The following TBK1 variants were observed in gnomAD, a reference collection of about 807,000 sequenced individuals.
The protein encoded by TBK1 is serine/threonine-protein kinase TBK1.
Under a neutral mutation model 99.9 loss-of-function variants are expected in TBK1, and 37 were observed. The observed-to-expected ratio is 0.37, with a 90% CI of 0.28 to 0.49. The LOEUF (loss-of-function observed/expected upper bound fraction) is 0.49. Among genes scored for constraint, TBK1 ranks in the 20% least tolerant of loss-of-function variants. The probability of loss-of-function intolerance (pLI) is 0.98; values close to 1 mark genes in which losing one functional copy is unlikely to be tolerated. For missense variants in TBK1, 644 were observed against 872.5 expected (o/e 0.74, Z 3.30); for synonymous variants, 258 against 279.8 (o/e 0.92, Z 0.78).
chr12:64,464,201 C>G (rs951570268), intron 3 of TBK1, 133 bp from the exon 4 acceptor site: 31 of 625,588 alleles, frequency 5.0e-5, no homozygotes, highest in Non-Finnish European at 7.2e-5. Context: ...TCAACAGATA[C>G]TGAATCTCAG....
intron 4 of TBK1, among the ~76,000 whole-genome samples, chr12:64,466,663 A>G (rs1297725959): frequency 6.6e-6 from 1 of 152,064 alleles, no homozygotes; most frequent in Non-Finnish European, 1.5e-5. Flanking sequence ...AGTACTTAAG[A>G]GACACTGGAT....
At chr12:64,458,384 G>A (rs1170761699) in intron 2 of TBK1, among the ~76,000 whole-genome samples, 1 of 151,824 alleles carries the variant, frequency 6.6e-6, no homozygotes, top group African/African-American at 2.4e-5. Context: ...TACTTAATCT[G>A]TTTTTTATTA....
At chr12:64,465,001 T>C (rs958030233) in intron 4 of TBK1, among the ~76,000 whole-genome samples, 1 of 151,970 alleles carries the variant, frequency 6.6e-6, no homozygotes, top group South Asian at 2.1e-4. Flanking sequence ...CCCAGCACTT[T>C]AGGAAGTGGA....
intron 7 of TBK1, 22 bp downstream of exon 7, chr12:64,480,144 C>G: frequency 6.4e-7 from 1 of 1,570,320 alleles, no homozygotes; most frequent in Non-Finnish European, 8.7e-7. Context: ...GTACCTAATT[C>G]TCATCTTTTG....
chr12:64,479,201 C>G (rs987695497), intron 6 of TBK1, among the ~76,000 whole-genome samples: 2 of 152,190 alleles, frequency 1.3e-5, no homozygotes, highest in African/African-American at 4.8e-5. Flanking sequence ...TGGATCTTAT[C>G]AAAATTAAAC....
chr12:64,478,401 C>A (rs1341006527), intron 6 of TBK1, among the ~76,000 whole-genome samples: 1 of 152,214 alleles, frequency 6.6e-6, no homozygotes, highest in Non-Finnish European at 1.5e-5. Flanking sequence ...CTGCCCCCCG[C>A]CTTGGTCTCC....
chr12:64,458,372 C>G (rs186490411), intron 2 of TBK1, among the ~76,000 whole-genome samples: 84 of 152,052 alleles, frequency 5.5e-4, no homozygotes, highest in Non-Finnish European at 1.1e-3. Flanking sequence ...AAGTATATTA[C>G]CTACTTAATC....
intron 5 of TBK1, among the ~76,000 whole-genome samples, chr12:64,469,540 A>G (rs1274773620): frequency 1.3e-5 from 2 of 152,186 alleles, no homozygotes; most frequent in Non-Finnish European, 2.9e-5. Flanking sequence ...TTCTAGAAGC[A>G]ACACTGCTGA....
At chr12:64,485,188 G>C (rs1429081796) in intron 9 of TBK1, among the ~76,000 whole-genome samples, 3 of 152,130 alleles carry the variant, frequency 2.0e-5, no homozygotes, top group Admixed American at 6.5e-5. Flanking sequence ...CTATTTGAAG[G>C]TTGGGATTTG....
chr12:64,464,385 T>G lies in TBK1; in HGVS notation c.280T>G (p.Leu94Val). The G allele has an allele frequency of 6.2e-7, 1 of 1,608,492 alleles. No homozygotes were observed. The highest frequency in any genetic ancestry group is 8.5e-7 in the Non-Finnish European group (1 of 1,177,574). ...TATGGAATTTTGTCCATGTGGGAGT[T>G]TATACACTGTTTTAGAAGAACCTTC... ...LIMEFCPCGSLYTVLEEPSNA... is the reference protein window; with the variant it reads ...LIMEFCPCGSVYTVLEEPSNA... Residue 94 changes from leucine (L) to valine (V), a missense_variant, in exon 4 of 21, where the codon TTA becomes GTA. Transcript: ENST00000331710.
At chr12:64,497,874 A>C (rs1330706312) in intron 19 of TBK1, 94 bp from the exon 20 acceptor site, 23 of 1,393,952 alleles carry the variant, frequency 1.6e-5, no homozygotes, top group Non-Finnish European at 2.3e-5. Flanking sequence ...TAATAAGGTT[A>C]TCTATTGACC....
At chr12:64,492,658 T>TG (rs1268668848) in intron 13 of TBK1, among the ~76,000 whole-genome samples, 5 of 152,270 alleles carry the variant, frequency 3.3e-5, no homozygotes, top group African/African-American at 1.2e-4. Context: ...CTTGAGGTAA[T>TG]GGAGTCTTAT....
intron 2 of TBK1, among the ~76,000 whole-genome samples, chr12:64,458,124 C>T (rs2040508899): frequency 6.7e-6 from 1 of 149,772 alleles, no homozygotes; most frequent in Non-Finnish European, 1.5e-5. Context: ...CACACACATA[C>T]ACACACGAAA....
chr12:64,475,692 A>G (rs1362430455), intron 6 of TBK1, among the ~76,000 whole-genome samples: 1 of 152,086 alleles, frequency 6.6e-6, no homozygotes, highest in Admixed American at 6.5e-5. Context: ...AAAGGATATG[A>G]TTTCATTCTT....
Position 64,455,911 on chromosome 12 carries a change from T to G in TBK1, c.41T>G (p.Ile14Ser). 2 of 1,613,938 alleles carry G rather than the reference T, an allele frequency of 1.2e-6. No homozygotes were observed. The highest frequency in any genetic ancestry group is 1.7e-6 in the Non-Finnish European group (2 of 1,179,930). The change falls in exon 2 of 21, where the codon ATT (isoleucine) becomes AGT (serine). Residue 14 changes from isoleucine to serine, a missense_variant. This residue lies in a region of TBK1 where 148 missense variants were observed against 202.1 expected (regional missense o/e 0.73). Transcript: ENST00000331710. ...AATCATCTGTGGCTTTTATCTGATA[T>G]TTTAGGCCAAGGAGCTACTGCAAAT... ...TSNHLWLLSDILGQGATANVF... is the reference protein window; with the variant it reads ...TSNHLWLLSDSLGQGATANVF...
chr12:64,486,862 T>A (rs2040825721), intron 11 of TBK1, among the ~76,000 whole-genome samples: 1 of 152,158 alleles, frequency 6.6e-6, no homozygotes, highest in African/African-American at 2.4e-5. Context: ...TATCTCTGCA[T>A]CCATTAGTAT....
At chr12:64,496,714 C>T (rs546910071) in intron 16 of TBK1, among the ~76,000 whole-genome samples, 8 of 152,082 alleles carry the variant, frequency 5.3e-5, no homozygotes, top group African/African-American at 1.7e-4. Context: ...ACTTAACTAC[C>T]GTCTTAATTT....
chr12:64,497,111 A>C, intron 17 of TBK1, 52 bp from the exon 18 acceptor site: 1 of 1,579,238 alleles, frequency 6.3e-7, no homozygotes, highest in Non-Finnish European at 8.7e-7. Context: ...GTATATTTGA[A>C]GTAAGAATGC....
chr12:64,497,235 A>G lies in TBK1; in HGVS notation c.1935A>G (p.Ser645=). ...GTTTTGATATTGAAGAAGAAGTATC[A>G]AAATATCAAGAATATACTAATGAGG... is the stretch of plus-strand genomic sequence containing the variant. ...NQCFDIEEEV[S]KYQEYTNELQ... is the part of the protein sequence containing the mutation. The change falls in exon 18 of 21, where the codon TCA becomes TCG. Residue 645 remains serine (S), a synonymous_variant. Coordinates refer to ENST00000331710, the MANE Select transcript of TBK1 (RefSeq NM_013254.4). 6.3e-7 allele frequency: 1 copy of G among 1,594,534 alleles called. No homozygotes were observed. Among genetic ancestry groups the G allele is most frequent in the Non-Finnish European group, 8.6e-7 (1 of 1,168,290 alleles).
Sources: gnomAD v4.1 joint callset for allele counts (sites outside exome capture counted in the v4.1 genomes callset) on GRCh38, gnomAD v4.1.1 for gene constraint, gnomAD v4.1.1 regional missense constraint, MANE v1.5 for transcripts, NCBI Gene and HGNC (gene_info 2026-07-23, HGNC 2026-07-21) for gene names.